The following LINGO2 variants were observed in gnomAD, a reference collection of about 807,000 sequenced individuals.
The protein encoded by LINGO2 is leucine-rich repeat and immunoglobulin-like domain-containing nogo receptor-interacting protein 2.
Under a neutral mutation model 30.6 loss-of-function variants are expected in LINGO2, and 14 were observed. The ratio of observed to expected loss-of-function variants is 0.46; its 90% CI spans 0.30 to 0.72. The LOEUF is 0.72. LINGO2 is among the 30% of genes least tolerant of loss of function. The probability of loss-of-function intolerance (pLI) is 0.07; values close to 1 mark genes in which losing one functional copy is unlikely to be tolerated. For synonymous variants in LINGO2, 317 were observed against 288.5 expected (o/e 1.10, Z -1.00); for missense variants, 729 against 751.7 (o/e 0.97, Z 0.35).
At chr9:28,356,430 T>G (rs1429191721) in intron 3 of LINGO2, among the ~76,000 whole-genome samples, 1 of 152,100 alleles carries the variant, frequency 6.6e-6, no homozygotes, top group Non-Finnish European at 1.5e-5. Flanking sequence ...ACAGAAACTG[T>G]CTCTGGGAAA....
intron 3 of LINGO2, among the ~76,000 whole-genome samples, chr9:28,353,710 T>C (rs1178030174): frequency 6.6e-6 from 1 of 152,114 alleles, no homozygotes; most frequent in African/African-American, 2.4e-5. Flanking sequence ...ACACGTATGT[T>C]TATTGCGGCA....
the LINGO2 span, among the ~76,000 whole-genome samples, chr9:28,852,064 TAAA>T: frequency 2.0e-5 from 3 of 151,874 alleles, no homozygotes; most frequent in Admixed American, 6.6e-5. Flanking sequence ...AAAAGATTGA[TAAA>T]AGTACCTGTA....
the LINGO2 span, among the ~76,000 whole-genome samples, chr9:28,757,896 A>T: frequency 1.3e-5 from 2 of 152,174 alleles, no homozygotes; most frequent in African/African-American, 4.8e-5. Context: ...ACTTCATGGC[A>T]TCTAGTGTAC....
At chr9:28,137,645 T>A (rs1051582670) in intron 4 of LINGO2, among the ~76,000 whole-genome samples, 2 of 152,100 alleles carry the variant, frequency 1.3e-5, no homozygotes, top group South Asian at 2.1e-4. Flanking sequence ...AAAGTGAATA[T>A]GTATTTGATA....
In LINGO2 at chr9:28,044,460, C is replaced by G. The variant is rs1175476034; in HGVS notation, c.-86-32055G>C. 2.0e-5 allele frequency among the ~76,000 whole-genome samples: 3 copies of G among 152,290 alleles called. No individual in the cohort carries two copies. In the East Asian group the frequency reaches 5.8e-4, roughly 29 times the overall value. On this transcript the variant is annotated intron_variant, in intron 4 of 5. Transcript: ENST00000379992. ...GATCAGCTGTAAGTCTCAAAACAGA[C>G]TTTCCTAAGAACATAGACAACCTGA... is the stretch of plus-strand genomic sequence containing the variant.
At chr9:28,748,573 G>A in the LINGO2 span, among the ~76,000 whole-genome samples, 8 of 151,976 alleles carry the variant, frequency 5.3e-5, no homozygotes, top group Admixed American at 2.0e-4. Flanking sequence ...ATTGCTTTCC[G>A]GAATACATTG....
chr9:28,909,577 G>A, the LINGO2 span, among the ~76,000 whole-genome samples: 3 of 151,926 alleles, frequency 2.0e-5, no homozygotes, highest in African/African-American at 7.2e-5. Flanking sequence ...AACAAAATTA[G>A]GGATAACTGT....
chr9:28,784,656 T>G, the LINGO2 span, among the ~76,000 whole-genome samples: 4 of 152,086 alleles, frequency 2.6e-5, no homozygotes, highest in Non-Finnish European at 4.4e-5. Flanking sequence ...TATGATTCAG[T>G]ATAAAATGAA....
chr9:28,194,275 T>C (rs761712224), intron 4 of LINGO2, among the ~76,000 whole-genome samples: 1 of 152,058 alleles, frequency 6.6e-6, no homozygotes, highest in Non-Finnish European at 1.5e-5. Flanking sequence ...TAAAATAAAA[T>C]ATATGCCACA....
At chr9:28,836,577 A>G in the LINGO2 span, among the ~76,000 whole-genome samples, 1 of 152,066 alleles carries the variant, frequency 6.6e-6, no homozygotes, top group African/African-American at 2.4e-5. Flanking sequence ...CAACTTCCCA[A>G]AGTGCTGAGA....
chr9:28,897,243 A>G, the LINGO2 span, among the ~76,000 whole-genome samples: 1 of 152,198 alleles, frequency 6.6e-6, no homozygotes. Flanking sequence ...GTTAGCACAC[A>G]GAGGCTAAAG....
At chr9:28,357,205 G>A (rs1253951722) in intron 3 of LINGO2, among the ~76,000 whole-genome samples, 1 of 151,686 alleles carries the variant, frequency 6.6e-6, no homozygotes, top group Admixed American at 6.6e-5. Context: ...AGTGAGTTAA[G>A]CATACTTATT....
chr9:28,648,282 G>A (rs564886209), intron 1 of LINGO2, among the ~76,000 whole-genome samples: 32 of 152,148 alleles, frequency 2.1e-4, no homozygotes, highest in East Asian at 7.7e-4. Context: ...GACATTTTAC[G>A]AGAGAGCATA....
the LINGO2 span, among the ~76,000 whole-genome samples, chr9:28,943,827 T>C: frequency 1.5e-4 from 23 of 152,288 alleles, no homozygotes; most frequent in South Asian, 4.8e-3. Flanking sequence ...AGGGTACATG[T>C]ATAATATCTA....
intron 4 of LINGO2, among the ~76,000 whole-genome samples, chr9:28,238,512 C>T (rs1007799484): frequency 6.6e-6 from 1 of 152,038 alleles, no homozygotes; most frequent in African/African-American, 2.4e-5. Context: ...ACTATATAAA[C>T]ACATGGAAAT....
In LINGO2 at chr9:27,976,245, G is replaced by C. The variant is rs1820587961; in HGVS notation, c.-35-25539C>G. Among the ~76,000 whole-genome samples the C allele has an allele frequency of 2.0e-5, 3 of 152,002 alleles. No homozygotes were observed. The South Asian group carries it at 6.2e-4, about 32-fold the overall frequency. ...CTTTTATGGCCACTAATATATTTTA[G>C]GACAGCAATTAACAAGCTATTAGTG... On this transcript the variant is annotated intron_variant, in intron 5 of 5. Transcript: ENST00000379992.
At chr9:28,848,272 CTA>C in the LINGO2 span, among the ~76,000 whole-genome samples, 1 of 89,316 alleles carries the variant, frequency 1.1e-5, no homozygotes, top group Non-Finnish European at 2.0e-5. Context: ...TGTATATATA[CTA>C]TATATACACT....
the LINGO2 span, among the ~76,000 whole-genome samples, chr9:28,907,192 CAT>C: frequency 1.3e-5 from 2 of 151,690 alleles, no homozygotes; most frequent in African/African-American, 2.4e-5. Flanking sequence ...TAAATGTCCA[CAT>C]GAGTTAAAGA....
intron 5 of LINGO2, among the ~76,000 whole-genome samples, chr9:27,971,935 A>G (rs1292833338): frequency 6.6e-6 from 1 of 152,118 alleles, no homozygotes; most frequent in Non-Finnish European, 1.5e-5. Context: ...CATTCCTTAA[A>G]ACAAAATGGA....
Sources: allele counts gnomAD v4.1 joint callset (sites outside exome capture counted in the v4.1 genomes callset), GRCh38; gene constraint gnomAD v4.1.1; transcripts MANE v1.5; gene names NCBI Gene and HGNC (gene_info 2026-07-23, HGNC 2026-07-21).